Variants in MYT1L observed in about 807,000 individuals in gnomAD.
The protein encoded by MYT1L is myelin transcription factor 1 like.
In MYT1L, 12 loss-of-function variants were observed where a neutral mutation model predicts 126.7. The observed-to-expected ratio is 0.09, with a 90% confidence interval of 0.06 to 0.15. MYT1L has a LOEUF of 0.15. MYT1L is among the 10% of genes least tolerant of loss of function. The pLI is 1.00. For missense variants in MYT1L, 979 were observed against 1,585.2 expected (o/e 0.62, Z 6.49); for synonymous variants, 541 against 604.2 (o/e 0.90, Z 1.53).
intron 4 of MYT1L, among the ~76,000 whole-genome samples, chr2:2,027,336 C>A (rs1294907127): frequency 1.3e-5 from 2 of 152,162 alleles, no homozygotes; most frequent in Admixed American, 6.5e-5. Flanking sequence ...TGTGTTGTAG[C>A]CCACCACAGG....
intron 8 of MYT1L, among the ~76,000 whole-genome samples, chr2:1,955,417 C>A (rs1182435724): frequency 6.6e-6 from 1 of 152,092 alleles, no homozygotes; most frequent in African/African-American, 2.4e-5. Context: ...CCTACAATCA[C>A]ATATAAATAT....
chr2:2,230,193 GAAC>G, intron 2 of MYT1L, among the ~76,000 whole-genome samples: 1 of 152,140 alleles, frequency 6.6e-6, no homozygotes, highest in Non-Finnish European at 1.5e-5. Flanking sequence ...TTTTATAATA[GAAC>G]AACATATTTA....
At chr2:2,111,352 C>A (rs1263077398) in intron 3 of MYT1L, among the ~76,000 whole-genome samples, 1 of 152,144 alleles carries the variant, frequency 6.6e-6, no homozygotes, top group Non-Finnish European at 1.5e-5. Flanking sequence ...TCCCATCCTC[C>A]CCCCGACGGC....
intron 18 of MYT1L, among the ~76,000 whole-genome samples, chr2:1,875,806 T>G (rs2046834086): frequency 6.6e-6 from 1 of 152,188 alleles, no homozygotes; most frequent in East Asian, 1.9e-4. Context: ...CCTGCTTTGT[T>G]CAAGGGTCCA....
At chr2:2,033,977 T>C (rs1437389056) in intron 4 of MYT1L, among the ~76,000 whole-genome samples, 1 of 152,132 alleles carries the variant, frequency 6.6e-6, no homozygotes, top group Non-Finnish European at 1.5e-5. Flanking sequence ...GACAAATAAA[T>C]GCACTTGAAT....
At position 2,312,481 on chromosome 2, in the gene MYT1L, C is replaced by A. The variant is rs551961405; in HGVS notation, c.-521+18486G>T. ...TTCAAAAATTAGCCAGGTGGGGTGA[C>A]ATGCACCTGCAGTCCCAGCTACTCA... On this transcript the variant is annotated intron_variant, in intron 1 of 24. Transcript: ENST00000647738. 2.6e-5 allele frequency among the ~76,000 whole-genome samples: 4 copies of A among 152,088 alleles called. No individual in the cohort carries two copies. In the South Asian group the frequency reaches 8.3e-4, roughly 32 times the overall value.
At chr2:2,296,848 A>T (rs1439807196) in intron 1 of MYT1L, among the ~76,000 whole-genome samples, 2 of 152,296 alleles carry the variant, frequency 1.3e-5, no homozygotes, top group East Asian at 3.9e-4. Flanking sequence ...ACCAGGCCTC[A>T]CCGGTGTGTG....
In MYT1L at chr2:2,061,728, G is replaced by A. The variant is rs376209826; in HGVS notation, c.-303-7605C>T. ...ATCCTGGACCCTGAGAGATTCTGCA[G>A]CCCAGCTCCAGATTGCTTGTGGTCT... On this transcript the variant is annotated intron_variant, in intron 3 of 24. Transcript: ENST00000647738. Among the ~76,000 whole-genome samples the A allele has an allele frequency of 7.4e-4, 112 of 152,248 alleles. 2 individuals carry two copies. In the South Asian group the frequency reaches 0.022, roughly 31 times the overall value.
At chr2:2,277,200 G>C (rs1162724693) in intron 2 of MYT1L, among the ~76,000 whole-genome samples, 1 of 151,964 alleles carries the variant, frequency 6.6e-6, no homozygotes, top group East Asian at 1.9e-4. Flanking sequence ...TCTATCTCCT[G>C]ACCTCGTGAT....
At chr2:1,956,046 T>C (rs548291403) in intron 8 of MYT1L, among the ~76,000 whole-genome samples, 7 of 145,430 alleles carry the variant, frequency 4.8e-5, no homozygotes, top group African/African-American at 2.7e-5. Flanking sequence ...TCTATGTATC[T>C]ATGTATCTAT....
chr2:2,111,523 A>G (rs2079458166), intron 3 of MYT1L, among the ~76,000 whole-genome samples: 1 of 152,236 alleles, frequency 6.6e-6, no homozygotes, highest in Non-Finnish European at 1.5e-5. Flanking sequence ...AATTTTGAGA[A>G]TTTAGGGAAT....
intron 2 of MYT1L, among the ~76,000 whole-genome samples, chr2:2,261,159 G>GTGTGTGTGTA (rs1243518355): frequency 1.1e-4 from 16 of 152,044 alleles, no homozygotes; most frequent in African/African-American, 3.6e-4. Flanking sequence ...GTGTGTGTGT[G>GTGTGTGTGTA]TGTGTGTGTA....
chr2:1,943,248 A>C lies in MYT1L; in HGVS notation c.239T>G (p.Val80Gly), dbSNP rs2056859011. 6.4e-7 allele frequency: 1 copy of C among 1,555,880 alleles called. No homozygotes were observed. ...EPAPKRKPFA[V>G]KADSSSVDEC... ...ATCCACTGAGGAGCTGTCTGCTTTC[A>C]CGGCAAATGGCTTTCGTTTAGGAGC... The change falls in exon 9 of 25, where the codon GTG becomes GGG. Residue 80 changes from valine to glycine, a missense_variant. Val to Gly is a moderately radical substitution (Grantham distance 109). Around this residue, in one of 12 missense-constraint regions of MYT1L, gnomAD observed 111 missense variants for 115.9 expected, o/e 0.96. Coordinates refer to ENST00000647738, the MANE Select transcript of MYT1L (RefSeq NM_001303052.2). The surrounding 1 kb of genome is among the most constrained non-coding windows in gnomAD (Gnocchi z 4.4).
intron 2 of MYT1L, among the ~76,000 whole-genome samples, chr2:2,214,919 T>A (rs1159333037): frequency 6.6e-6 from 1 of 152,132 alleles, no homozygotes; most frequent in Non-Finnish European, 1.5e-5. Flanking sequence ...AAATGTATGA[T>A]AATAGCACAA....
At chr2:1,856,674 A>G (rs1350961033) in intron 18 of MYT1L, among the ~76,000 whole-genome samples, 3 of 152,212 alleles carry the variant, frequency 2.0e-5, no homozygotes. Context: ...AGGGTCTATC[A>G]TCCCATCCTC....
At chr2:1,924,573 G>C (rs992174486) in intron 9 of MYT1L, among the ~76,000 whole-genome samples, 3 of 152,144 alleles carry the variant, frequency 2.0e-5, no homozygotes, top group African/African-American at 7.2e-5. Flanking sequence ...GTGGAAAAAA[G>C]ACTTGGAGTT....
At chr2:2,107,228 C>A (rs980025649) in intron 3 of MYT1L, among the ~76,000 whole-genome samples, 3 of 152,210 alleles carry the variant, frequency 2.0e-5, no homozygotes, top group Admixed American at 6.5e-5. Context: ...CACCATGAAG[C>A]CCTGCCGGTG....
intron 14 of MYT1L, among the ~76,000 whole-genome samples, chr2:1,897,121 C>T (rs1251215495): frequency 2.6e-5 from 4 of 152,152 alleles, no homozygotes; most frequent in Non-Finnish European, 1.5e-5. Context: ...GCATCCTTTA[C>T]TGAATATAAA....
intron 3 of MYT1L, among the ~76,000 whole-genome samples, chr2:2,122,872 T>TGTGTGTGTGTGTGTGTGTGTGA (rs553951630): frequency 1.5e-4 from 20 of 132,986 alleles, no homozygotes; most frequent in African/African-American, 5.9e-4. Flanking sequence ...TGTGTGTGTG[T>TGTGTGTGTGTGTGTGTGTGTGA]GAGAGAGAGA....
Sources: gnomAD v4.1 joint callset for allele counts (sites outside exome capture counted in the v4.1 genomes callset) on GRCh38, gnomAD v4.1.1 for gene constraint, gnomAD v4.1.1 regional missense constraint, Gnocchi (gnomAD v3.1) non-coding constraint, MANE v1.5 for transcripts, NCBI Gene and HGNC (gene_info 2026-07-23, HGNC 2026-07-21) for gene names.